RPS6KA6: variants seen among roughly 807,000 people sequenced by gnomAD.
RPS6KA6 encodes ribosomal protein S6 kinase alpha-6.
In RPS6KA6, 27 loss-of-function variants were observed where a neutral mutation model predicts 65.4. The observed-to-expected ratio is 0.41, with a 90% CI of 0.30 to 0.57. The LOEUF is 0.57. RPS6KA6 is among the 20% of genes least tolerant of loss of function. The pLI is 0.24. For missense variants in RPS6KA6, 486 were observed against 555.6 expected (o/e 0.87, Z 1.26); for synonymous variants, 190 against 184.2 (o/e 1.03, Z -0.26).
chrX:84,148,902 CTTCCT>C (rs1188041418), intron 3 of RPS6KA6, among the ~76,000 whole-genome samples: 1 of 111,104 alleles, frequency 9.0e-6, no homozygotes, highest in Non-Finnish European at 1.9e-5. Context: ...CACAGATTGA[CTTCCT>C]TTCATGAAAT....
In RPS6KA6 at chrX:84,128,555, T is replaced by A. The variant is rs763095642; in HGVS notation, c.646+6227A>T. On this transcript the variant is annotated intron_variant, in intron 8 of 21. Coordinates refer to ENST00000262752, the MANE Select transcript of RPS6KA6 (RefSeq NM_014496.5). ...AATACCCAGTATAGATAAAGCTACC[T>A]ACACAAAAAGAACAAAACTGGAGGA... is the stretch of plus-strand genomic sequence containing the variant. 8.5e-4 allele frequency among the ~76,000 whole-genome samples: 95 copies of A among 111,652 alleles called. 1 individual carries two copies. The highest frequency in any genetic ancestry group is 1.2e-3 in the Non-Finnish European group (61 of 52,933).
At chrX:84,146,899 A>G (rs1265024607) in intron 5 of RPS6KA6, 79 bp downstream of exon 5, 2 of 531,536 alleles carry the variant, frequency 3.8e-6, no homozygotes, top group African/African-American at 2.4e-5. Context: ...GTATTGTGTG[A>G]AAGGAAATCA....
chrX:84,076,962 G>T (rs2033674218), intron 20 of RPS6KA6, among the ~76,000 whole-genome samples: 1 of 110,936 alleles, frequency 9.0e-6, no homozygotes, highest in African/African-American at 3.3e-5. Flanking sequence ...TCACATTTCT[G>T]CATACTAGCA....
At chrX:84,096,165 G>T in intron 20 of RPS6KA6, 29 bp downstream of exon 20, 3 of 949,571 alleles carry the variant, frequency 3.2e-6, no homozygotes, top group South Asian at 3.9e-5. Context: ...TAACATGAAT[G>T]CAACAAAACA....
intron 9 of RPS6KA6, among the ~76,000 whole-genome samples, chrX:84,118,136 T>A (rs191779728): frequency 5.3e-5 from 6 of 112,214 alleles, no homozygotes; most frequent in Non-Finnish European, 1.1e-4. Context: ...AGTTTTTGTA[T>A]CACCAGTATT....
At chrX:84,091,858 T>TA (rs747359298) in intron 20 of RPS6KA6, among the ~76,000 whole-genome samples, 1 of 111,494 alleles carries the variant, frequency 9.0e-6, no homozygotes, top group South Asian at 3.8e-4. Context: ...TATGCAGCCA[T>TA]AAAAAAGATC....
At position 84,188,013 on chromosome X, in the gene RPS6KA6, C is replaced by A; in HGVS notation, c.-114G>T. The A allele has an allele frequency of 2.0e-6, 1 of 489,295 alleles. No individual in the cohort carries two copies. The highest frequency in any genetic ancestry group is 2.7e-6 in the Non-Finnish European group (1 of 370,503). 40.3% of individuals were successfully genotyped at this position (489,295 alleles called of 1,213,427 possible). ...CCGCCGCCGCCGCCGCCGCCGCGAC[C>A]CCCAGCCCCGCCTTCAGCGAGCGCT... On this transcript the variant is annotated 5_prime_UTR_variant, in exon 1 of 22. Coordinates refer to ENST00000262752, the MANE Select transcript of RPS6KA6 (RefSeq NM_014496.5).
chrX:84,181,011 T>C (rs1380485223), intron 1 of RPS6KA6, among the ~76,000 whole-genome samples: 3 of 111,981 alleles, frequency 2.7e-5, no homozygotes, highest in Non-Finnish European at 5.7e-5. Flanking sequence ...AGCTGGTACA[T>C]AGTTCATGCT....
chrX:84,071,598 T>A (rs1342132796), intron 20 of RPS6KA6, among the ~76,000 whole-genome samples: 1 of 109,148 alleles, frequency 9.2e-6, no homozygotes. Flanking sequence ...AAATAAATAA[T>A]AAACATCAGA....
intron 6 of RPS6KA6, among the ~76,000 whole-genome samples, chrX:84,138,801 TTGTGTGTGTGTGTG>T (rs3077407): frequency 4.7e-4 from 47 of 99,186 alleles, no homozygotes; most frequent in African/African-American, 7.9e-4. Context: ...ACCTGTGTAT[TTGTGTGTGTGTGTG>T]TGTGTGTGTG....
intron 20 of RPS6KA6, among the ~76,000 whole-genome samples, chrX:84,085,294 C>A (rs2033894278): frequency 9.0e-6 from 1 of 111,628 alleles, no homozygotes; most frequent in Non-Finnish European, 1.9e-5. Flanking sequence ...GGGAATTCTT[C>A]CAGCTTTTGC....
intron 18 of RPS6KA6, among the ~76,000 whole-genome samples, chrX:84,099,210 G>A (rs777319172): frequency 4.5e-5 from 5 of 110,945 alleles, no homozygotes; most frequent in African/African-American, 1.3e-4. Flanking sequence ...ACAGACTTGC[G>A]CAGGAGGTGT....
intron 1 of RPS6KA6, among the ~76,000 whole-genome samples, chrX:84,170,515 A>AG (rs1196288512): frequency 8.1e-5 from 9 of 110,657 alleles, no homozygotes; most frequent in Non-Finnish European, 1.7e-4. Context: ...TTGTAATCCC[A>AG]GCTACTGGGG....
At chrX:84,151,081 G>T (rs1216249798) in intron 3 of RPS6KA6, among the ~76,000 whole-genome samples, 1 of 93,399 alleles carries the variant, frequency 1.1e-5, no homozygotes, top group Non-Finnish European at 2.1e-5. Context: ...ATATATAGAG[G>T]ATAGATATAT....
chrX:84,078,438 T>C (rs777883611), intron 20 of RPS6KA6, among the ~76,000 whole-genome samples: 1 of 109,460 alleles, frequency 9.1e-6, no homozygotes, highest in East Asian at 2.8e-4. Context: ...ATTCTGCTCA[T>C]AGGTATTTAT....
At chrX:84,116,746 T>TGG (rs68120104) in intron 11 of RPS6KA6, among the ~76,000 whole-genome samples, 3 of 104,874 alleles carry the variant, frequency 2.9e-5, no homozygotes, top group Admixed American at 2.1e-4. Context: ...TGAAGAATAT[T>TGG]GGGGGGGGGC....
chrX:84,153,370 TG>T (rs2035362496), intron 3 of RPS6KA6, among the ~76,000 whole-genome samples: 1 of 111,547 alleles, frequency 9.0e-6, no homozygotes, highest in South Asian at 3.7e-4. Flanking sequence ...TTCATGTGTT[TG>T]TGTTTTAAAA....
intron 6 of RPS6KA6, among the ~76,000 whole-genome samples, chrX:84,144,567 G>A (rs1290327644): frequency 1.8e-5 from 2 of 111,058 alleles, no homozygotes; most frequent in Admixed American, 9.6e-5. Flanking sequence ...ACTCTCTTAC[G>A]CTGCTGGTGG....
intron 16 of RPS6KA6, 92 bp downstream of exon 16, chrX:84,105,695 T>C: frequency 6.3e-6 from 3 of 475,413 alleles, no homozygotes; most frequent in Non-Finnish European, 3.4e-6. Context: ...AAAATAAATA[T>C]GCTAAAGACA....
Sources: allele counts gnomAD v4.1 joint callset (sites outside exome capture counted in the v4.1 genomes callset), GRCh38; gene constraint gnomAD v4.1.1; transcripts MANE v1.5; gene names NCBI Gene and HGNC (gene_info 2026-07-23, HGNC 2026-07-21).